Variants in TXNDC16 observed in about 807,000 individuals in gnomAD.
TXNDC16 encodes the protein thioredoxin domain-containing protein 16.
In TXNDC16, 74 loss-of-function variants were observed where a neutral mutation model predicts 85.6. The observed-to-expected ratio is 0.86, with a 90% CI of 0.72 to 1.05. TXNDC16 has a LOEUF of 1.05. Ranked by LOEUF, TXNDC16 falls within the 50% of genes least tolerant of loss-of-function variation. TXNDC16 has a pLI of 0.00. For synonymous variants in TXNDC16, 335 were observed against 326.5 expected (o/e 1.03, Z -0.28); for missense variants, 959 against 947.0 (o/e 1.01, Z -0.17).
At chr14:52,481,795 C>A (rs1160930333) in intron 14 of TXNDC16, among the ~76,000 whole-genome samples, 1 of 152,112 alleles carries the variant, frequency 6.6e-6, no homozygotes, top group African/African-American at 2.4e-5. Context: ...AAAAAGCATT[C>A]CATCCATGAG....
intron 16 of TXNDC16, among the ~76,000 whole-genome samples, chr14:52,469,237 C>T (rs980349494): frequency 1.4e-4 from 21 of 151,378 alleles, no homozygotes; most frequent in African/African-American, 3.6e-4. Flanking sequence ...GTCCCAGTTA[C>T]TCAGGAGGTT....
chr14:52,481,417 T>G (rs910716328), intron 14 of TXNDC16, among the ~76,000 whole-genome samples: 9 of 152,300 alleles, frequency 5.9e-5, no homozygotes, highest in African/African-American at 1.9e-4. Context: ...TCTTGAGTTT[T>G]CAAAAGCTTC....
At position 52,544,312 on chromosome 14, in the gene TXNDC16, G is replaced by A. The variant is rs947260024; in HGVS notation, c.-122C>T. 4 of 151,600 alleles carry A rather than the reference G, an allele frequency of 2.6e-5. No homozygotes were observed. Among genetic ancestry groups the A allele is most frequent in the African/African-American group, 4.8e-5 (2 of 41,258 alleles). The allele number at this position is 151,600 out of a possible 1,614,324, so 9.4% of individuals were successfully genotyped here. A position where few individuals can be genotyped will look rare whatever the true frequency, so the allele number is the denominator to read the frequency against. ...CTGTTAATTCTTTATTTTCTATTTT[G>A]CTACTTTCAAATTTTTCTTGAACAA... On this transcript the variant is annotated 5_prime_UTR_variant, in exon 2 of 21. Transcript: ENST00000281741.
intron 6 of TXNDC16, among the ~76,000 whole-genome samples, chr14:52,533,661 T>G (rs2037634264): frequency 1.3e-5 from 2 of 152,142 alleles, no homozygotes; most frequent in Admixed American, 6.5e-5. Context: ...AGGTGCTGGC[T>G]CAACAATGTT....
At chr14:52,480,168 G>A (rs568597520) in intron 14 of TXNDC16, among the ~76,000 whole-genome samples, 1 of 152,210 alleles carries the variant, frequency 6.6e-6, no homozygotes, top group Non-Finnish European at 1.5e-5. Context: ...ACTCAAGATG[G>A]AGCAAAGACT....
At chr14:52,544,241 A>T (rs977292805) in intron 2 of TXNDC16, 23 bp downstream of exon 2, 1 of 151,982 alleles carries the variant, frequency 6.6e-6, no homozygotes, top group Non-Finnish European at 1.5e-5. Context: ...TCCTCCTCTT[A>T]TCTTCTTTCT....
intron 18 of TXNDC16, among the ~76,000 whole-genome samples, chr14:52,450,382 G>C (rs990113679): frequency 6.8e-6 from 1 of 147,324 alleles, no homozygotes; most frequent in African/African-American, 2.5e-5. Context: ...ATTGAACCAT[G>C]AAGAAATTCA....
At chr14:52,457,732 C>G (rs1186206546) in intron 16 of TXNDC16, among the ~76,000 whole-genome samples, 1 of 152,130 alleles carries the variant, frequency 6.6e-6, no homozygotes, top group East Asian at 1.9e-4. Flanking sequence ...TAGTTTTGAA[C>G]TTTGATTAAT....
In TXNDC16 at chr14:52,470,538, G is replaced by A. The variant is rs761488915; in HGVS notation, c.1455C>T (p.Thr485=). Residue 485 remains threonine, a synonymous_variant, in exon 15 of 21, where the codon ACC becomes ACT. Coordinates refer to ENST00000281741, the MANE Select transcript of TXNDC16 (RefSeq NM_020784.3). ...GCTGGATAAATTTTAGGAGATCTTC[G>A]GTTCCTAACATTCCAGCATAAGATA... ...NPVSYAGMLG[T]EDLLKFIQLN... The A allele has an allele frequency of 1.3e-4, 203 of 1,612,742 alleles. No individual in the cohort carries two copies. The highest frequency in any genetic ancestry group is 1.7e-4 in the Non-Finnish European group (196 of 1,179,576).
intron 6 of TXNDC16, among the ~76,000 whole-genome samples, chr14:52,524,669 C>T (rs1047613141): frequency 1.2e-4 from 19 of 152,022 alleles, no homozygotes; most frequent in African/African-American, 4.1e-4. Flanking sequence ...ATTCTAAAAA[C>T]GTTTTGTAGA....
chr14:52,435,840 T>C (rs1025685364), intron 20 of TXNDC16, among the ~76,000 whole-genome samples: 4 of 151,704 alleles, frequency 2.6e-5, no homozygotes, highest in Admixed American at 6.6e-5. Flanking sequence ...GAAGCCAGGC[T>C]TGGTGGTGCA....
intron 17 of TXNDC16, among the ~76,000 whole-genome samples, 198 bp downstream of exon 17, chr14:52,456,892 C>T (rs2035546783): frequency 6.6e-6 from 1 of 152,042 alleles, no homozygotes; most frequent in East Asian, 1.9e-4. Context: ...CCCATGGGGT[C>T]TTTGGTCTAA....
chr14:52,547,715 G>C (rs1270120360), intron 1 of TXNDC16, among the ~76,000 whole-genome samples: 1 of 152,142 alleles, frequency 6.6e-6, no homozygotes, highest in African/African-American at 2.4e-5. Flanking sequence ...TGTTCAACAG[G>C]GGGTGGCAGA....
chr14:52,499,228 C>G (rs1228939846), intron 9 of TXNDC16, among the ~76,000 whole-genome samples: 2 of 151,890 alleles, frequency 1.3e-5, no homozygotes, highest in African/African-American at 2.4e-5. Context: ...TAAAAGAAAA[C>G]ATAGGGGGAA....
At chr14:52,470,740 G>T (rs1208740035) in intron 14 of TXNDC16, 60 bp from the exon 15 acceptor site, 44 of 1,473,622 alleles carry the variant, frequency 3.0e-5, no homozygotes, top group Non-Finnish European at 4.0e-5. Flanking sequence ...ATTTGCTTAG[G>T]ATCTTCAGTA....
Position 52,452,719 on chromosome 14 carries a change from T to C in TXNDC16, c.1842+2605A>G, listed in dbSNP as rs149652095. On this transcript the variant is annotated intron_variant, in intron 18 of 20. Transcript: ENST00000281741. Reference sequence around the variant, plus strand: ...GACGTAAATCTAAGACCTTAAACTATGAAACTACTACAAGAAAACACTGGG... The same window carrying C: ...GACGTAAATCTAAGACCTTAAACTACGAAACTACTACAAGAAAACACTGGG... Among the ~76,000 whole-genome samples the C allele has an allele frequency of 4.6e-3, 701 of 152,220 alleles. 5 individuals carry two copies. The highest frequency in any genetic ancestry group is 0.016 in the African/African-American group (671 of 41,548).
intron 16 of TXNDC16, 73 bp from the exon 17 acceptor site, chr14:52,457,247 T>G: frequency 1.3e-6 from 1 of 766,246 alleles, no homozygotes; most frequent in Non-Finnish European, 2.1e-6. Flanking sequence ...ATGAAGAGAT[T>G]TATAGGTGGT....
At chr14:52,506,291 G>A (rs1256972834) in intron 9 of TXNDC16, among the ~76,000 whole-genome samples, 1 of 152,018 alleles carries the variant, frequency 6.6e-6, no homozygotes, top group Non-Finnish European at 1.5e-5. Context: ...TTTTAGACCA[G>A]TATCCCTGAT....
chr14:52,435,669 C>T (rs2035008347), intron 20 of TXNDC16, among the ~76,000 whole-genome samples: 1 of 151,930 alleles, frequency 6.6e-6, no homozygotes, highest in African/African-American at 2.4e-5. Context: ...GTCTTGAAAA[C>T]AAAGAATAGG....
Sources: gnomAD v4.1 joint callset for allele counts (sites outside exome capture counted in the v4.1 genomes callset) on GRCh38, gnomAD v4.1.1 for gene constraint, MANE v1.5 for transcripts, NCBI Gene and HGNC (gene_info 2026-07-23, HGNC 2026-07-21) for gene names.